RCOR1: variants seen among roughly 807,000 people sequenced by gnomAD.
RCOR1 encodes REST corepressor.
Under a neutral mutation model 64.0 loss-of-function variants are expected in RCOR1, and 12 were observed. The observed-to-expected ratio is 0.19, with a 90% CI of 0.12 to 0.30. RCOR1 has a LOEUF of 0.30. Ranked by LOEUF, RCOR1 falls within the 10% of genes least tolerant of loss-of-function variation. The pLI is 1.00. For synonymous variants in RCOR1, 279 were observed against 227.2 expected (o/e 1.23, Z -2.05); for missense variants, 502 against 621.2 (o/e 0.81, Z 2.04).
intron 2 of RCOR1, among the ~76,000 whole-genome samples, chr14:102,666,727 T>C (rs995574718): frequency 1.3e-5 from 2 of 152,206 alleles, no homozygotes; most frequent in African/African-American, 4.8e-5. Flanking sequence ...ATTATTGTAC[T>C]AAGGTTATGA....
At chr14:102,615,352 A>G (rs546972040) in intron 2 of RCOR1, among the ~76,000 whole-genome samples, 3 of 150,574 alleles carry the variant, frequency 2.0e-5, no homozygotes, top group African/African-American at 4.9e-5. Flanking sequence ...ATGTTGTCCC[A>G]GCTGGTCTCG....
intron 2 of RCOR1, among the ~76,000 whole-genome samples, chr14:102,631,964 C>T (rs998507430): frequency 1.4e-4 from 21 of 151,850 alleles, no homozygotes; most frequent in African/African-American, 2.9e-4. Context: ...TGAGCCACCA[C>T]GCCCAGCTAA....
At chr14:102,608,524 T>C (rs1263662931) in intron 2 of RCOR1, among the ~76,000 whole-genome samples, 1 of 152,120 alleles carries the variant, frequency 6.6e-6, no homozygotes, top group East Asian at 1.9e-4. Flanking sequence ...AACCTCTGCC[T>C]CCCTCGTTCA....
chr14:102,641,564 C>T (rs904711946), intron 2 of RCOR1, among the ~76,000 whole-genome samples: 12 of 152,044 alleles, frequency 7.9e-5, no homozygotes, highest in African/African-American at 2.9e-4. Flanking sequence ...GTCGCCACTG[C>T]ACTCCAGTCC....
At chr14:102,678,430 G>C (rs1895236489) in intron 2 of RCOR1, among the ~76,000 whole-genome samples, 1 of 152,128 alleles carries the variant, frequency 6.6e-6, no homozygotes, top group African/African-American at 2.4e-5. Context: ...CTCCTGAGTA[G>C]CTGGGTCTGC....
intron 11 of RCOR1, among the ~76,000 whole-genome samples, chr14:102,724,481 A>G (rs1036796000): frequency 6.6e-6 from 1 of 151,916 alleles, no homozygotes; most frequent in Non-Finnish European, 1.5e-5. Context: ...ATGGGTGTGC[A>G]CCACCATGCT....
chr14:102,611,343 A>G (rs1482851815), intron 2 of RCOR1, among the ~76,000 whole-genome samples: 5 of 152,146 alleles, frequency 3.3e-5, no homozygotes, highest in Non-Finnish European at 7.3e-5. Context: ...TGTAGGGATT[A>G]CAGGCATGAG....
chr14:102,660,634 T>A (rs957940017), intron 2 of RCOR1, among the ~76,000 whole-genome samples: 4 of 152,276 alleles, frequency 2.6e-5, no homozygotes, highest in African/African-American at 9.6e-5. Flanking sequence ...CCTCCCACAG[T>A]TTGATTAGAG....
chr14:102,679,421 C>G (rs1195298746), intron 2 of RCOR1, among the ~76,000 whole-genome samples: 1 of 151,308 alleles, frequency 6.6e-6, no homozygotes, highest in Non-Finnish European at 1.5e-5. Context: ...TATGGAAAAT[C>G]ATTTGATCCT....
intron 7 of RCOR1, 96 bp from the exon 8 acceptor site, chr14:102,714,327 A>G: frequency 1.3e-6 from 1 of 749,654 alleles, no homozygotes. Flanking sequence ...TATTTGTCTT[A>G]GATTGTTTTG....
intron 2 of RCOR1, among the ~76,000 whole-genome samples, chr14:102,681,048 G>T (rs969261055): frequency 3.9e-5 from 6 of 152,156 alleles, no homozygotes; most frequent in Non-Finnish European, 8.8e-5. Flanking sequence ...CAAAATTAAA[G>T]ATGGGAGATC....
At chr14:102,661,923 A>T (rs1231007900) in intron 2 of RCOR1, among the ~76,000 whole-genome samples, 3 of 148,828 alleles carry the variant, frequency 2.0e-5, no homozygotes, top group African/African-American at 4.9e-5. Context: ...TGCCTTGCTA[A>T]TTTTTTTTTT....
At chr14:102,649,081 A>G (rs1420743715) in intron 2 of RCOR1, among the ~76,000 whole-genome samples, 1 of 152,088 alleles carries the variant, frequency 6.6e-6, no homozygotes, top group Non-Finnish European at 1.5e-5. Context: ...AAAAAATAGA[A>G]TTATTAATTC....
chr14:102,655,938 G>A (rs1894712927), intron 2 of RCOR1: 1 of 882,282 alleles, frequency 1.1e-6, no homozygotes, highest in Non-Finnish European at 1.3e-6. Context: ...GGGCAACAGA[G>A]TGAGACTTTT....
In RCOR1 at chr14:102,639,826, C is replaced by T. The variant is rs72702755; in HGVS notation, c.362-42069C>T. Among the ~76,000 whole-genome samples the T allele has an allele frequency of 8.1e-3, 970 of 120,004 alleles. 8 individuals are homozygous for T. The highest frequency in any genetic ancestry group is 0.013 in the Non-Finnish European group (697 of 55,068). The allele number at this position is 120,004 out of a possible 152,430, so 78.7% of individuals were successfully genotyped here. A position where few individuals can be genotyped will look rare whatever the true frequency, so the allele number is the denominator to read the frequency against. ...GGGGTTACAGGTGTGACACTGAGCT[C>T]AGCCTATTCATTCATTCATTCATTC... On this transcript the variant is annotated intron_variant, in intron 2 of 11. Transcript: ENST00000262241.
chr14:102,720,131 G>GA lies in RCOR1; in HGVS notation c.1054-872dup, dbSNP rs1385337357. On this transcript the variant is annotated intron_variant, in intron 8 of 11. Transcript: ENST00000262241. ...TGAATGTCTTTTACATTTTACTTGA[G>GA]AAAATCAAGCTCCTCTTCCGTTGGC... Among the ~76,000 whole-genome samples, 10 of 152,320 alleles carry GA rather than the reference G, an allele frequency of 6.6e-5. No individual in the cohort carries two copies. In the East Asian group the frequency reaches 1.3e-3, roughly 21 times the overall value.
At chr14:102,675,249 C>T (rs977891462) in intron 2 of RCOR1, among the ~76,000 whole-genome samples, 1 of 151,824 alleles carries the variant, frequency 6.6e-6, no homozygotes, top group Non-Finnish European at 1.5e-5. Flanking sequence ...GTATACAATA[C>T]TCCTCCCTTA....
chr14:102,713,262 C>CTT (rs549966355), intron 7 of RCOR1, among the ~76,000 whole-genome samples: 117 of 112,790 alleles, frequency 1.0e-3, no homozygotes, highest in African/African-American at 3.1e-3. Context: ...CCCGTAGTTT[C>CTT]TTTTTTTTTT....
In RCOR1 at chr14:102,653,954, TCTTTCTTTCTTTCTTTCTTTC is replaced by T. The variant is rs1567423304; in HGVS notation, c.362-27940_362-27920del. ...TTCTTTCTTTCTTTCTTTCTTTCTT[TCTTTCTTTCTTTCTTTCTTTC>T]TTTCTTTCTTTTTTTTTTTTTTTTT... On this transcript the variant is annotated intron_variant, in intron 2 of 11. Coordinates refer to ENST00000262241, the MANE Select transcript of RCOR1 (RefSeq NM_015156.4). Among the ~76,000 whole-genome samples the T allele has an allele frequency of 3.0e-4, 16 of 52,892 alleles. 1 individual carries two copies. Among genetic ancestry groups the T allele is most frequent in the African/African-American group, 2.0e-3 (15 of 7,646 alleles). The allele number at this position is 52,892 out of a possible 152,430, so 34.7% of individuals were successfully genotyped here. A position where few individuals can be genotyped will look rare whatever the true frequency, so the allele number is the denominator to read the frequency against.
Sources: gnomAD v4.1 joint callset for allele counts (sites outside exome capture counted in the v4.1 genomes callset) on GRCh38, gnomAD v4.1.1 for gene constraint, MANE v1.5 for transcripts, NCBI Gene and HGNC (gene_info 2026-07-23, HGNC 2026-07-21) for gene names.